SHQ1: variants seen among roughly 807,000 people sequenced by gnomAD.
The protein encoded by SHQ1 is protein SHQ1 homolog.
A neutral mutation model predicts 53.8 loss-of-function variants in SHQ1; 49 were observed. The observed-to-expected ratio is 0.91, with a 90% CI of 0.72 to 1.16. The LOEUF is 1.16. Among genes scored for constraint, SHQ1 ranks in the 50% most tolerant of loss-of-function variants. SHQ1 has a pLI of 0.00. For synonymous variants in SHQ1, 243 were observed against 251.0 expected, an observed-to-expected ratio of 0.97 and a Z score of 0.30; for missense variants, 738 against 683.1, an observed-to-expected ratio of 1.08 and a Z score of -0.90.
chr3:72,844,925 T>C (rs1250328502), intron 1 of SHQ1, among the ~76,000 whole-genome samples: 2 of 152,246 alleles, frequency 1.3e-5, no homozygotes, highest in East Asian at 3.9e-4. Flanking sequence ...ATAAAACAAA[T>C]AAATTTTGTG....
chr3:72,765,557 A>ATATATATATATATTTTTTTT (rs1491527508), intron 10 of SHQ1, among the ~76,000 whole-genome samples: 1 of 57,186 alleles, frequency 1.7e-5, no homozygotes, highest in African/African-American at 7.9e-5. Context: ...ATATATATAT[A>ATATATATATATATTTTTTTT]TTTTTTTTTT....
At chr3:72,807,351 T>C (rs1706984985) in intron 9 of SHQ1, among the ~76,000 whole-genome samples, 1 of 152,246 alleles carries the variant, frequency 6.6e-6, no homozygotes, top group African/African-American at 2.4e-5. Context: ...ATCTTCAGGA[T>C]CCAGCTCAGC....
At chr3:72,769,773 C>T (rs554163761) in intron 10 of SHQ1, among the ~76,000 whole-genome samples, 3 of 152,300 alleles carry the variant, frequency 2.0e-5, no homozygotes, top group South Asian at 2.1e-4. Flanking sequence ...ATAACAGAGA[C>T]CACATGGGCT....
At chr3:72,798,818 C>T (rs1450080349) in intron 9 of SHQ1, among the ~76,000 whole-genome samples, 12 of 152,156 alleles carry the variant, frequency 7.9e-5, no homozygotes, top group Non-Finnish European at 1.5e-4. Flanking sequence ...AAGCCAGCAT[C>T]GGAAAAACAA....
chr3:72,817,125 T>A (rs778122095), intron 7 of SHQ1, 105 bp downstream of exon 7: 9 of 1,265,330 alleles, frequency 7.1e-6, no homozygotes, highest in Non-Finnish European at 9.7e-6. Context: ...ATCCCCTGAA[T>A]AACTGATCAC....
the SHQ1 span, among the ~76,000 whole-genome samples, chr3:72,726,643 C>G: frequency 6.6e-6 from 1 of 152,186 alleles, no homozygotes; most frequent in African/African-American, 2.4e-5. Context: ...TGAGCCACCA[C>G]GCCGGGCCAC....
chr3:72,815,489 T>C (rs1252358518), intron 7 of SHQ1, 86 bp from the exon 8 acceptor site: 2 of 1,009,616 alleles, frequency 2.0e-6, no homozygotes, highest in Admixed American at 3.6e-5. Flanking sequence ...ATTCAACCAG[T>C]GTCTGAGGAT....
intron 9 of SHQ1, among the ~76,000 whole-genome samples, chr3:72,801,884 A>G (rs1178314696): frequency 6.6e-6 from 1 of 152,234 alleles, no homozygotes; most frequent in Non-Finnish European, 1.5e-5. Flanking sequence ...AAAGATCATT[A>G]AAAAGCTACA....
the SHQ1 span, among the ~76,000 whole-genome samples, chr3:72,740,344 A>G: frequency 2.0e-5 from 3 of 152,214 alleles, no homozygotes; most frequent in Non-Finnish European, 4.4e-5. Flanking sequence ...AGGTAGCTGC[A>G]GGGGCTGCTG....
At chr3:72,782,991 A>G (rs1227216634) in intron 10 of SHQ1, among the ~76,000 whole-genome samples, 2 of 152,164 alleles carry the variant, frequency 1.3e-5, no homozygotes, top group Non-Finnish European at 2.9e-5. Context: ...GTCTCCCTCC[A>G]AAGAGAATCC....
intron 4 of SHQ1, 118 bp downstream of exon 4, chr3:72,840,927 A>T: frequency 8.1e-7 from 1 of 1,231,306 alleles, no homozygotes; most frequent in Non-Finnish European, 1.1e-6. Context: ...AAGTGCTTTA[A>T]ATACAATCAC....
intron 9 of SHQ1, among the ~76,000 whole-genome samples, chr3:72,795,784 T>G (rs931041360): frequency 6.6e-6 from 1 of 152,170 alleles, no homozygotes; most frequent in Non-Finnish European, 1.5e-5. Context: ...ATCCCACACT[T>G]TACTAATATA....
chr3:72,845,485 CA>C (rs550677371), intron 1 of SHQ1, among the ~76,000 whole-genome samples: 362 of 123,398 alleles, frequency 2.9e-3, no homozygotes, highest in Middle Eastern at 4.3e-3. Context: ...ATTCTGTGTC[CA>C]AAAAAAAAAA....
At chr3:72,726,821 A>G in the SHQ1 span, among the ~76,000 whole-genome samples, 1 of 152,176 alleles carries the variant, frequency 6.6e-6, no homozygotes, top group Non-Finnish European at 1.5e-5. Context: ...CGGCCCCCTG[A>G]GAGCATCCCT....
At chr3:72,805,829 A>G (rs1706925112) in intron 9 of SHQ1, among the ~76,000 whole-genome samples, 1 of 152,190 alleles carries the variant, frequency 6.6e-6, no homozygotes, top group Non-Finnish European at 1.5e-5. Flanking sequence ...TGGCAATTAA[A>G]AGGCAATTTA....
At chr3:72,796,570 C>T (rs1231055120) in intron 9 of SHQ1, among the ~76,000 whole-genome samples, 1 of 152,118 alleles carries the variant, frequency 6.6e-6, no homozygotes, top group Admixed American at 6.6e-5. Context: ...CCTCTAATCC[C>T]AGCACTTTGG....
At chr3:72,838,765 A>G (rs1017950709) in intron 4 of SHQ1, among the ~76,000 whole-genome samples, 1 of 152,182 alleles carries the variant, frequency 6.6e-6, no homozygotes, top group Admixed American at 6.5e-5. Context: ...TGCTGGAATT[A>G]CAGGTGTGAG....
At chr3:72,823,853 C>T (rs1347355427) in intron 6 of SHQ1, among the ~76,000 whole-genome samples, 15 of 152,138 alleles carry the variant, frequency 9.9e-5, no homozygotes, top group Admixed American at 7.9e-4. Context: ...TCCATTTAAA[C>T]ATTGAAATTT....
chr3:72,767,099 G>A (rs955870069), intron 10 of SHQ1, among the ~76,000 whole-genome samples: 3 of 152,168 alleles, frequency 2.0e-5, no homozygotes, highest in Non-Finnish European at 4.4e-5. Flanking sequence ...GTACACCACA[G>A]GGCTAGCCAC....
Sources: gnomAD v4.1 joint callset for allele counts (sites outside exome capture counted in the v4.1 genomes callset) on GRCh38, gnomAD v4.1.1 for gene constraint, MANE v1.5 for transcripts, NCBI Gene and HGNC (gene_info 2026-07-23, HGNC 2026-07-21) for gene names.